Variants in UMOD observed in about 807,000 individuals in gnomAD.
The protein encoded by UMOD is uromodulin.
Under a neutral mutation model 66.0 loss-of-function variants are expected in UMOD, and 64 were observed. That is an observed-to-expected ratio of 0.97 (90% CI 0.79 to 1.19). UMOD has a LOEUF of 1.19. UMOD is among the 50% of genes most tolerant of loss of function. The pLI is 0.00. For missense variants in UMOD, 764 were observed against 850.9 expected, an observed-to-expected ratio of 0.90 and a Z score of 1.27; for synonymous variants, 398 against 352.7, an observed-to-expected ratio of 1.13 and a Z score of -1.44.
chr16:20,350,922 A>G, intron 1 of UMOD, 83 bp from the exon 2 acceptor site: 2 of 1,396,252 alleles, frequency 1.4e-6, no homozygotes, highest in Non-Finnish European at 1.9e-6. Context: ...TGTATAGTAT[A>G]CAACTCCAGG....
intron 9 of UMOD, among the ~76,000 whole-genome samples, 185 bp from the exon 10 acceptor site, chr16:20,335,705 G>T (rs764500433): frequency 6.6e-6 from 1 of 152,116 alleles, no homozygotes; most frequent in Non-Finnish European, 1.5e-5. Context: ...CAGGAGAAAG[G>T]TCCCAACCCT....
intron 1 of UMOD, chr16:20,351,165 C>G (rs531686587): frequency 7.9e-6 from 2 of 253,968 alleles, no homozygotes; most frequent in Non-Finnish European, 1.5e-5. Flanking sequence ...TTTAACTGAT[C>G]CTCTGCCTGG....
At chr16:20,346,894 AAAGAAAGAAAGAAAG>A (rs1418061002) in intron 4 of UMOD, among the ~76,000 whole-genome samples, 4 of 53,124 alleles carry the variant, frequency 7.5e-5, no homozygotes, top group Non-Finnish European at 4.6e-4. Flanking sequence ...AGAAAGAAAG[AAAGAAAGAAAGAAAG>A]AAAGAAAAAG....
At chr16:20,352,016 C>G (rs964435959) in intron 1 of UMOD, among the ~76,000 whole-genome samples, 5 of 141,176 alleles carry the variant, frequency 3.5e-5, no homozygotes, top group Admixed American at 6.9e-5. Context: ...TCCATCCCCC[C>G]CCCCCAAAAA....
chr16:20,354,758 G>T (rs1326426959), upstream of UMOD, among the ~76,000 whole-genome samples: 2 of 152,068 alleles, frequency 1.3e-5, no homozygotes, highest in African/African-American at 4.8e-5. Flanking sequence ...ACATTTTGGG[G>T]CCTTACTGAT....
At chr16:20,348,124 T>C in intron 4 of UMOD, 99 bp downstream of exon 4, 2 of 1,065,204 alleles carry the variant, frequency 1.9e-6, no homozygotes, top group Non-Finnish European at 1.4e-6. Flanking sequence ...ATCCCCTGCG[T>C]CATACCCATA....
At chr16:20,336,752 A>G in intron 8 of UMOD, 25 bp from the exon 9 acceptor site, 1 of 1,607,792 alleles carries the variant, frequency 6.2e-7, no homozygotes, top group Non-Finnish European at 8.5e-7. Flanking sequence ...CAATAGAAAA[A>G]CACCCTCCAT....
chr16:20,345,594 T>A (rs895843038), intron 5 of UMOD, among the ~76,000 whole-genome samples: 5 of 149,672 alleles, frequency 3.3e-5, no homozygotes, highest in Admixed American at 2.7e-4. Flanking sequence ...TTTCTTCCTC[T>A]CTTTCTCTTT....
At chr16:20,353,759 TC>T (rs1012263589), upstream of UMOD, among the ~76,000 whole-genome samples, 373 of 137,028 alleles carry the variant, frequency 2.7e-3, no homozygotes, top group African/African-American at 8.9e-3. Flanking sequence ...ACTGCATTGA[TC>T]TTTTTTTTTT....
chr16:20,335,603 T>C, intron 9 of UMOD, 83 bp from the exon 10 acceptor site: 1 of 1,400,002 alleles, frequency 7.1e-7, no homozygotes, highest in Non-Finnish European at 1.0e-6. Context: ...TTCAATCTAC[T>C]TTTCACTTCG....
At chr16:20,345,952 A>T (rs1272009357) in intron 5 of UMOD, among the ~76,000 whole-genome samples, 174 bp downstream of exon 5, 1 of 152,224 alleles carries the variant, frequency 6.6e-6, no homozygotes, top group Non-Finnish European at 1.5e-5. Flanking sequence ...AACTCATTCA[A>T]TCCTCTCAAT....
intron 2 of UMOD, 116 bp from the exon 3 acceptor site, chr16:20,349,328 C>T (rs1965774960): frequency 2.5e-6 from 3 of 1,185,836 alleles, no homozygotes; most frequent in African/African-American, 3.0e-5. Flanking sequence ...CCCTAGAGGG[C>T]TCCCTCCAAA....
chr16:20,344,202 G>C (rs1191218996), intron 5 of UMOD, 30 bp from the exon 6 acceptor site: 2 of 1,427,366 alleles, frequency 1.4e-6, no homozygotes, highest in Non-Finnish European at 9.8e-7. Context: ...TGGAGGGGGG[G>C]TGGGGATGAG....
chr16:20,356,268 C>T (rs962188163), upstream of UMOD: 7 of 152,290 alleles, frequency 4.6e-5, no homozygotes, highest in African/African-American at 1.2e-4. Flanking sequence ...TTCTCTGGCT[C>T]GTGGCCTGTC....
chr16:20,353,991 G>A (rs1017146068), upstream of UMOD, among the ~76,000 whole-genome samples: 1 of 152,084 alleles, frequency 6.6e-6, no homozygotes, highest in Admixed American at 6.5e-5. Context: ...CCACCTGTGA[G>A]TGAGAACATG....
chr16:20,338,068 T>C (rs1487719747), intron 7 of UMOD, among the ~76,000 whole-genome samples: 3 of 152,214 alleles, frequency 2.0e-5, no homozygotes, highest in South Asian at 4.1e-4. Flanking sequence ...TTCCTCAAAG[T>C]TGATTTCGGA....
chr16:20,345,435 T>TC (rs1965502329), intron 5 of UMOD, among the ~76,000 whole-genome samples: 1 of 54,122 alleles, frequency 1.8e-5, no homozygotes, highest in Non-Finnish European at 4.6e-5. Context: ...TTTCTCTTTC[T>TC]TTCTTTCTTC....
intron 6 of UMOD, 106 bp from the exon 7 acceptor site, chr16:20,341,442 T>A: frequency 6.4e-7 from 1 of 1,574,562 alleles, no homozygotes; most frequent in Admixed American, 1.7e-5. Flanking sequence ...TTATTTGCAT[T>A]TTTATCCAGC....
chr16:20,352,218 G>C, intron 1 of UMOD, among the ~76,000 whole-genome samples: 1 of 152,068 alleles, frequency 6.6e-6, no homozygotes, highest in East Asian at 1.9e-4. Context: ...GGGGGACAAA[G>C]AGGCTAACTG....
Sources: gnomAD v4.1 joint callset for allele counts (sites outside exome capture counted in the v4.1 genomes callset) on GRCh38, gnomAD v4.1.1 for gene constraint, MANE v1.5 for transcripts, NCBI Gene and HGNC (gene_info 2026-07-23, HGNC 2026-07-21) for gene names.